UBASH3B: variants seen among roughly 807,000 people sequenced by gnomAD.
UBASH3B encodes the protein ubiquitin-associated and SH3 domain-containing protein B.
Under a neutral mutation model 83.4 loss-of-function variants are expected in UBASH3B, and 37 were observed. The ratio of observed to expected loss-of-function variants is 0.44; its 90% CI spans 0.34 to 0.58. The LOEUF (loss-of-function observed/expected upper bound fraction) is 0.58, where lower values mean the gene tolerates loss of function less well. UBASH3B is among the 20% of genes least tolerant of loss of function. The probability of loss-of-function intolerance (pLI) is 0.01; values close to 1 mark genes in which losing one functional copy is unlikely to be tolerated. For synonymous variants in UBASH3B, 304 were observed against 318.3 expected (o/e 0.96, Z 0.48); for missense variants, 657 against 827.2 (o/e 0.79, Z 2.52).
intron 1 of UBASH3B, among the ~76,000 whole-genome samples, chr11:122,741,424 G>A (rs1046725609): frequency 2.0e-5 from 3 of 152,224 alleles, no homozygotes; most frequent in South Asian, 2.1e-4. Flanking sequence ...ATGAACATTC[G>A]GGTTCGTGTT....
At chr11:122,732,790 C>A (rs550407274) in intron 1 of UBASH3B, among the ~76,000 whole-genome samples, 1 of 152,290 alleles carries the variant, frequency 6.6e-6, no homozygotes, top group East Asian at 1.9e-4. Context: ...AAAAGGTTTT[C>A]CCTGGAATTT....
chr11:122,722,388 A>T (rs777382940), intron 1 of UBASH3B, among the ~76,000 whole-genome samples: 10 of 152,226 alleles, frequency 6.6e-5, no homozygotes, highest in Non-Finnish European at 1.5e-4. Flanking sequence ...GCACGGGTCC[A>T]TTTCTAACTT....
At chr11:122,735,304 T>C (rs982145720) in intron 1 of UBASH3B, among the ~76,000 whole-genome samples, 13 of 152,200 alleles carry the variant, frequency 8.5e-5, no homozygotes, top group East Asian at 5.8e-4. Flanking sequence ...GGCAATGAAA[T>C]TTACAGTCCC....
At chr11:122,790,679 GCTCACACCTGTAATC>G (rs906837395) in intron 6 of UBASH3B, among the ~76,000 whole-genome samples, 1 of 152,098 alleles carries the variant, frequency 6.6e-6, no homozygotes, top group African/African-American at 2.4e-5. Context: ...AGGTGCGGTG[GCTCACACCTGTAATC>G]CCAGCACTTT....
In UBASH3B at chr11:122,695,124, C is replaced by T. The variant is rs894617349; in HGVS notation, c.161+38914C>T. Among the ~76,000 whole-genome samples the T allele has an allele frequency of 2.6e-4, 39 of 151,626 alleles. 1 individual carries two copies. Among genetic ancestry groups the T allele is most frequent in the Admixed American group, 1.3e-3 (20 of 15,216 alleles). ...GATTACAGGCACCTGCTACCATGCC[C>T]GGCTAATTTTTGCATTTTTCTTAGA... is the stretch of plus-strand genomic sequence containing the variant. On this transcript the variant is annotated intron_variant, in intron 1 of 13. Coordinates refer to ENST00000284273, the MANE Select transcript of UBASH3B (RefSeq NM_032873.5).
intron 4 of UBASH3B, 106 bp downstream of exon 4, chr11:122,779,801 G>A (rs1591810406): frequency 2.2e-6 from 3 of 1,349,414 alleles, no homozygotes; most frequent in Non-Finnish European, 2.1e-6. Flanking sequence ...GTCAGGAGGT[G>A]GAGGACCCTG....
intron 1 of UBASH3B, among the ~76,000 whole-genome samples, chr11:122,725,336 A>AG (rs1860716023): frequency 7.1e-6 from 1 of 140,728 alleles, no homozygotes; most frequent in African/African-American, 2.6e-5. Context: ...AACAAAAAAA[A>AG]AAAAAAAAGA....
At chr11:122,722,095 T>C (rs1398923719) in intron 1 of UBASH3B, among the ~76,000 whole-genome samples, 1 of 152,238 alleles carries the variant, frequency 6.6e-6, no homozygotes, top group Non-Finnish European at 1.5e-5. Context: ...TTGCATCTGT[T>C]ATTTTGTTTG....
At chr11:122,673,169 G>A (rs1863622526) in intron 1 of UBASH3B, among the ~76,000 whole-genome samples, 1 of 152,170 alleles carries the variant, frequency 6.6e-6, no homozygotes, top group South Asian at 2.1e-4. Context: ...CTCAGCAAAG[G>A]AGATGGGAAG....
intron 1 of UBASH3B, among the ~76,000 whole-genome samples, chr11:122,665,603 A>G (rs1863506095): frequency 6.6e-6 from 1 of 152,190 alleles, no homozygotes; most frequent in Non-Finnish European, 1.5e-5. Context: ...TGTTTTTCAC[A>G]GTGCTTTATG....
intron 1 of UBASH3B, among the ~76,000 whole-genome samples, chr11:122,687,648 T>C (rs1023275676): frequency 2.0e-5 from 3 of 152,198 alleles, no homozygotes; most frequent in African/African-American, 7.2e-5. Flanking sequence ...TTTAAACCCA[T>C]TTTACAGATG....
At chr11:122,780,854 C>T (rs755646359) in intron 4 of UBASH3B, among the ~76,000 whole-genome samples, 16 of 152,154 alleles carry the variant, frequency 1.1e-4, no homozygotes, top group East Asian at 3.9e-4. Context: ...CTGGAGGAGA[C>T]GTACAATTCC....
intron 11 of UBASH3B, among the ~76,000 whole-genome samples, chr11:122,805,900 C>G (rs1244335137): frequency 1.3e-5 from 2 of 152,216 alleles, no homozygotes; most frequent in Non-Finnish European, 2.9e-5. Context: ...TTGCACTTCT[C>G]CTTGTGCCAA....
chr11:122,685,968 G>C (rs1257924358), intron 1 of UBASH3B, among the ~76,000 whole-genome samples: 1 of 152,214 alleles, frequency 6.6e-6, no homozygotes, highest in Non-Finnish European at 1.5e-5. Context: ...GGCTCTGAGA[G>C]GTTAAGTTGC....
chr11:122,761,750 T>C (rs1374596586), intron 1 of UBASH3B, among the ~76,000 whole-genome samples: 2 of 144,210 alleles, frequency 1.4e-5, no homozygotes, highest in Non-Finnish European at 3.0e-5. Context: ...CTGAAATCAC[T>C]CTTCATTTTC....
chr11:122,675,412 C>T (rs969275116), intron 1 of UBASH3B, among the ~76,000 whole-genome samples: 1 of 152,174 alleles, frequency 6.6e-6, no homozygotes, highest in African/African-American at 2.4e-5. Flanking sequence ...CGCGGATGCT[C>T]AGCGTTCTGT....
chr11:122,772,412 C>T lies in UBASH3B; in HGVS notation c.162-3807C>T, dbSNP rs181702423. On this transcript the variant is annotated intron_variant, in intron 1 of 13. Transcript: ENST00000284273. ...GGTTTTCATTTGGTTTCCTGATAAG[C>T]GTTCCTTAGGAGAAGAAGAAAAAAG... Among the ~76,000 whole-genome samples the T allele has an allele frequency of 3.3e-5, 5 of 150,594 alleles. No individual in the cohort carries two copies. The East Asian group carries it at 7.8e-4, about 24-fold the overall frequency.
intron 1 of UBASH3B, among the ~76,000 whole-genome samples, chr11:122,720,718 A>G (rs1406271594): frequency 6.6e-6 from 1 of 152,110 alleles, no homozygotes; most frequent in African/African-American, 2.4e-5. Flanking sequence ...CTCTTCACAC[A>G]GCTATCCACA....
chr11:122,742,197 T>C (rs539658142), intron 1 of UBASH3B, among the ~76,000 whole-genome samples: 1 of 152,310 alleles, frequency 6.6e-6, no homozygotes, highest in East Asian at 1.9e-4. Flanking sequence ...TATTCAAGCC[T>C]GGAAGGGTCG....
Sources: allele counts gnomAD v4.1 joint callset (sites outside exome capture counted in the v4.1 genomes callset), GRCh38; gene constraint gnomAD v4.1.1; transcripts MANE v1.5; gene names NCBI Gene and HGNC (gene_info 2026-07-23, HGNC 2026-07-21).